SPMIP2: variants seen among roughly 807,000 people sequenced by gnomAD.
SPMIP2 encodes the protein protein SPMIP2.
At chr4:158,924,580 C>T in the SPMIP2 span, among the ~76,000 whole-genome samples, 2 of 152,024 alleles carry the variant, frequency 1.3e-5, no homozygotes, top group Non-Finnish European at 2.9e-5. Context: ...CATGGTTTCA[C>T]CATGTTGGTT....
At chr4:158,951,169 G>C in the SPMIP2 span, among the ~76,000 whole-genome samples, 1 of 152,144 alleles carries the variant, frequency 6.6e-6, no homozygotes, top group Non-Finnish European at 1.5e-5. Flanking sequence ...ATGCTTTGCT[G>C]TAGTGCCTAC....
At chr4:158,960,212 T>C in the SPMIP2 span, 29 of 914,124 alleles carry the variant, frequency 3.2e-5, no homozygotes, top group Non-Finnish European at 4.4e-5. Flanking sequence ...CTTAAAAGTT[T>C]ACAAAAATGA....
the SPMIP2 span, among the ~76,000 whole-genome samples, chr4:158,942,552 T>C: frequency 6.6e-6 from 1 of 152,136 alleles, no homozygotes; most frequent in Non-Finnish European, 1.5e-5. Context: ...GCGGATCACT[T>C]GAGGGTCAGG....
the SPMIP2 span, among the ~76,000 whole-genome samples, chr4:158,986,453 C>G: frequency 6.6e-6 from 1 of 152,126 alleles, no homozygotes; most frequent in Non-Finnish European, 1.5e-5. Flanking sequence ...ATCAATGGAA[C>G]AGAACAAAGC....
chr4:159,007,476 T>C, the SPMIP2 span: 1 of 714,430 alleles, frequency 1.4e-6, no homozygotes, highest in South Asian at 1.3e-5. Flanking sequence ...AAATGCATTC[T>C]AGTGATCACA....
At chr4:159,022,165 A>G in the SPMIP2 span, among the ~76,000 whole-genome samples, 2 of 152,160 alleles carry the variant, frequency 1.3e-5, no homozygotes, top group Non-Finnish European at 2.9e-5. Flanking sequence ...TTTCCTTGCA[A>G]TGAACACAGA....
the SPMIP2 span, among the ~76,000 whole-genome samples, chr4:158,938,962 G>C: frequency 6.6e-6 from 1 of 152,188 alleles, no homozygotes; most frequent in Non-Finnish European, 1.5e-5. Context: ...TGTTCCCAGA[G>C]AGGTGGGAGA....
chr4:158,968,749 T>C, the SPMIP2 span, among the ~76,000 whole-genome samples: 2 of 152,220 alleles, frequency 1.3e-5, no homozygotes, highest in Non-Finnish European at 2.9e-5. Context: ...CTTTTTGTGT[T>C]TACCTTCTCT....
At chr4:159,072,195 T>C in the SPMIP2 span, among the ~76,000 whole-genome samples, 2 of 152,068 alleles carry the variant, frequency 1.3e-5, no homozygotes, top group African/African-American at 2.4e-5. Flanking sequence ...ATGCCTGTAG[T>C]CATAGCCACT....
chr4:158,959,678 G>C, the SPMIP2 span, among the ~76,000 whole-genome samples: 1 of 152,260 alleles, frequency 6.6e-6, no homozygotes, highest in South Asian at 2.1e-4. Context: ...AGTCTTGTAA[G>C]AGCAATGCTG....
chr4:158,915,428 T>G, the SPMIP2 span: 1 of 1,307,348 alleles, frequency 7.6e-7, no homozygotes, highest in South Asian at 1.4e-5. Flanking sequence ...TTTCAGATAG[T>G]TGAGATTTGT....
At chr4:158,931,890 TCTTTTTATTGATA>T in the SPMIP2 span, among the ~76,000 whole-genome samples, 1 of 152,148 alleles carries the variant, frequency 6.6e-6, no homozygotes, top group African/African-American at 2.4e-5. Context: ...ATAATTGCTA[TCTTTTTATTGATA>T]CCCTCTGCTT....
chr4:158,961,983 T>C, the SPMIP2 span, among the ~76,000 whole-genome samples: 2 of 152,154 alleles, frequency 1.3e-5, no homozygotes, highest in Non-Finnish European at 2.9e-5. Context: ...TTTTCTATCT[T>C]AAATCAGTGA....
the SPMIP2 span, among the ~76,000 whole-genome samples, chr4:159,027,816 T>A: frequency 6.6e-6 from 1 of 152,342 alleles, no homozygotes; most frequent in Non-Finnish European, 1.5e-5. Flanking sequence ...ATTTCAAAAT[T>A]ACATATACAT....
the SPMIP2 span, chr4:159,007,007 A>G: frequency 4.8e-6 from 2 of 414,238 alleles, no homozygotes; most frequent in Admixed American, 5.8e-5. Flanking sequence ...TGTTGTTCTA[A>G]TATTGTCCTG....
the SPMIP2 span, among the ~76,000 whole-genome samples, chr4:158,912,462 G>A: frequency 3.3e-5 from 5 of 152,282 alleles, no homozygotes; most frequent in South Asian, 1.0e-3. Flanking sequence ...CAGTAACACA[G>A]ACAAATTTCT....
At chr4:158,992,760 G>A in the SPMIP2 span, among the ~76,000 whole-genome samples, 1 of 152,158 alleles carries the variant, frequency 6.6e-6, no homozygotes, top group Non-Finnish European at 1.5e-5. Context: ...GTCCCAACAG[G>A]GCAGCAGGTG....
the SPMIP2 span, among the ~76,000 whole-genome samples, chr4:159,080,318 G>A: frequency 3.3e-5 from 5 of 152,040 alleles, no homozygotes; most frequent in South Asian, 2.1e-4. Flanking sequence ...CTGGGTTCAC[G>A]TGATCCTCCC....
At chr4:159,027,115 T>G in the SPMIP2 span, among the ~76,000 whole-genome samples, 49 of 152,074 alleles carry the variant, frequency 3.2e-4, no homozygotes, top group Non-Finnish European at 1.5e-4. Context: ...GTAACACTTA[T>G]AGTTTTGTAA....
Sources: allele counts gnomAD v4.1 joint callset (sites outside exome capture counted in the v4.1 genomes callset), GRCh38; gene constraint gnomAD v4.1.1; transcripts MANE v1.5; gene names NCBI Gene and HGNC (gene_info 2026-07-23, HGNC 2026-07-21).